Variants in IL23R observed in about 807,000 individuals in gnomAD.
IL23R encodes interleukin-23 receptor.
IL23R carries 34 observed loss-of-function variants against 56.9 expected under a neutral mutation model. The ratio of observed to expected loss-of-function variants is 0.60; its 90% CI spans 0.45 to 0.80. The LOEUF (loss-of-function observed/expected upper bound fraction) is 0.80. IL23R is among the 30% of genes least tolerant of loss of function. The pLI is 0.00. For missense variants in IL23R, 635 were observed against 730.0 expected (o/e 0.87, Z 1.50); for synonymous variants, 230 against 249.2 (o/e 0.92, Z 0.73).
At chr1:67,205,937 C>CTTTT (rs1558243041) in intron 5 of IL23R, among the ~76,000 whole-genome samples, 22 of 122,906 alleles carry the variant, frequency 1.8e-4, no homozygotes, top group African/African-American at 5.6e-4. Context: ...TTCTTTCTTT[C>CTTTT]TTTCTCTTTT....
At chr1:67,177,298 A>G (rs1242447352) in intron 3 of IL23R, among the ~76,000 whole-genome samples, 1 of 152,136 alleles carries the variant, frequency 6.6e-6, no homozygotes, top group Non-Finnish European at 1.5e-5. Flanking sequence ...TGACTTTTTA[A>G]TGATCACCAT....
intron 4 of IL23R, among the ~76,000 whole-genome samples, chr1:67,188,523 C>T (rs1464965861): frequency 3.3e-5 from 5 of 152,094 alleles, no homozygotes; most frequent in Non-Finnish European, 7.4e-5. Context: ...TGCCACAAAG[C>T]TTATAAAAAA....
chr1:67,200,630 C>T (rs555040667), intron 4 of IL23R, 107 bp from the exon 5 acceptor site: 1 of 1,088,152 alleles, frequency 9.2e-7, no homozygotes, highest in East Asian at 2.5e-5. Flanking sequence ...GGTGATCCAA[C>T]CCGCTTGGTC....
intron 6 of IL23R, among the ~76,000 whole-genome samples, chr1:67,218,073 G>A (rs1157112601): frequency 2.6e-5 from 4 of 151,986 alleles, no homozygotes; most frequent in Non-Finnish European, 4.4e-5. Flanking sequence ...TACTGAAGAT[G>A]CTGTACAAAT....
chr1:67,203,924 C>T (rs1000530776), intron 5 of IL23R, among the ~76,000 whole-genome samples: 11 of 152,096 alleles, frequency 7.2e-5, no homozygotes, highest in Non-Finnish European at 1.3e-4. Flanking sequence ...GTGCTTTCTG[C>T]CTGCCATTTT....
At chr1:67,234,707 C>CTTTTTTTT (rs5774860) in intron 7 of IL23R, among the ~76,000 whole-genome samples, 1 of 117,582 alleles carries the variant, frequency 8.5e-6, no homozygotes, top group Non-Finnish European at 1.7e-5. Context: ...TATTTTTACT[C>CTTTTTTTT]TTTTTTTTTT....
chr1:67,235,696 C>G (rs940689104), intron 7 of IL23R, among the ~76,000 whole-genome samples: 1 of 152,082 alleles, frequency 6.6e-6, no homozygotes, highest in African/African-American at 2.4e-5. Context: ...TCTGGCCAGA[C>G]CAGCCTTTTT....
At chr1:67,223,753 A>C (rs1251040840) in intron 7 of IL23R, among the ~76,000 whole-genome samples, 2 of 152,228 alleles carry the variant, frequency 1.3e-5, no homozygotes, top group East Asian at 3.9e-4. Context: ...AACTGATTTC[A>C]TGGCTGCACG....
intron 3 of IL23R, among the ~76,000 whole-genome samples, chr1:67,179,803 A>AT (rs1286014927): frequency 6.6e-6 from 1 of 151,968 alleles, no homozygotes; most frequent in African/African-American, 2.4e-5. Context: ...TGTCCCAGAG[A>AT]TTCGGGTATG....
intron 7 of IL23R, among the ~76,000 whole-genome samples, chr1:67,227,968 T>C (rs1289398850): frequency 1.4e-5 from 1 of 69,358 alleles, no homozygotes; most frequent in Admixed American, 1.7e-4. Context: ...CTTTCTTTCT[T>C]TCTTTCTTTC....
chr1:67,251,656 T>A (rs1652633283), intron 9 of IL23R, among the ~76,000 whole-genome samples: 1 of 152,064 alleles, frequency 6.6e-6, no homozygotes, highest in South Asian at 2.1e-4. Context: ...AAAGGAAAAT[T>A]CAAGACAATT....
chr1:67,207,332 T>A (rs1157745265), intron 6 of IL23R, among the ~76,000 whole-genome samples: 1 of 152,154 alleles, frequency 6.6e-6, no homozygotes, highest in Non-Finnish European at 1.5e-5. Context: ...TACCAATAAT[T>A]TGCTTTTCAA....
In IL23R at chr1:67,259,058, C is replaced by G; in HGVS notation, c.1820C>G (p.Ser607Cys). The stretch of plus-strand genomic sequence containing the variant: ...GGGATCGTGAATGAGGAGTTGCCAT[C>G]TATTAATACTTATTTTCCACAAAAT... ...CLGIVNEELP[S>C]INTYFPQNIL... Residue 607 changes from serine to cysteine, a missense_variant, in exon 11 of 11, where the codon TCT (serine) becomes TGT (cysteine). Transcript: ENST00000347310. The G allele has an allele frequency of 6.2e-7, 1 of 1,613,862 alleles. No individual in the cohort carries two copies. Among genetic ancestry groups the G allele is most frequent in the Non-Finnish European group, 8.5e-7 (1 of 1,179,890 alleles).
Position 67,197,436 on chromosome 1 carries a change from G to A in IL23R, c.492-3301G>A, listed in dbSNP as rs78378313. ...AAGCTTAAGAACATGAAATAATGGAGTAGGTAGTTCAAGGGGCTCAAGAAA... is the reference window on the plus strand; with the variant it reads ...AAGCTTAAGAACATGAAATAATGGAATAGGTAGTTCAAGGGGCTCAAGAAA... On this transcript the variant is annotated intron_variant, in intron 4 of 10. Transcript: ENST00000347310. Among the ~76,000 whole-genome samples, 676 of 152,288 alleles carry A rather than the reference G, an allele frequency of 4.4e-3. 1 individual carries two copies. The highest frequency in any genetic ancestry group is 0.016 in the African/African-American group (657 of 41,558).
At chr1:67,210,986 T>A (rs777033883) in intron 6 of IL23R, among the ~76,000 whole-genome samples, 3 of 152,152 alleles carry the variant, frequency 2.0e-5, no homozygotes, top group Non-Finnish European at 4.4e-5. Flanking sequence ...ATCAAGAAGA[T>A]GGGGGCAAAA....
chr1:67,236,087 C>G (rs1254866619), intron 7 of IL23R, among the ~76,000 whole-genome samples: 2 of 152,346 alleles, frequency 1.3e-5, no homozygotes, highest in East Asian at 3.9e-4. Flanking sequence ...ACCAGGGTTG[C>G]TCACCCCACC....
chr1:67,148,340 A>T (rs1646700410), intron 1 of IL23R, among the ~76,000 whole-genome samples: 1 of 152,254 alleles, frequency 6.6e-6, no homozygotes, highest in Non-Finnish European at 1.5e-5. Context: ...GAGCTCCCAT[A>T]GAAGGGGAGG....
intron 7 of IL23R, among the ~76,000 whole-genome samples, chr1:67,223,177 T>C (rs184597886): frequency 1.3e-5 from 2 of 151,902 alleles, no homozygotes; most frequent in African/African-American, 2.4e-5. Context: ...TCTCTTGAAC[T>C]TGAGAGGCGG....
At chr1:67,221,640 T>C (rs1198738244) in intron 7 of IL23R, among the ~76,000 whole-genome samples, 2 of 152,194 alleles carry the variant, frequency 1.3e-5, no homozygotes, top group African/African-American at 4.8e-5. Context: ...CCTAAAGATG[T>C]CTCCCTACTG....
Sources: allele counts gnomAD v4.1 joint callset (sites outside exome capture counted in the v4.1 genomes callset), GRCh38; gene constraint gnomAD v4.1.1; transcripts MANE v1.5; gene names NCBI Gene and HGNC (gene_info 2026-07-23, HGNC 2026-07-21).